RSPH14: variants seen among roughly 807,000 people sequenced by gnomAD.
The protein encoded by RSPH14 is rhabdoid tumor deletion region gene 1.
RSPH14 carries 20 observed loss-of-function variants against 26.7 expected under a neutral mutation model. That is an observed-to-expected ratio of 0.75 (90% CI 0.53 to 1.09). The LOEUF is 1.09. Ranked by LOEUF, RSPH14 falls within the 50% of genes least tolerant of loss-of-function variation. The pLI, the probability that RSPH14 is intolerant of heterozygous loss-of-function variation, is 0.00. For synonymous variants in RSPH14, 177 were observed against 189.3 expected, an observed-to-expected ratio of 0.93 and a Z score of 0.53; for missense variants, 449 against 457.2, an observed-to-expected ratio of 0.98 and a Z score of 0.16.
chr22:23,173,502 A>G, the RSPH14 span, among the ~76,000 whole-genome samples: 1 of 151,772 alleles, frequency 6.6e-6, no homozygotes, highest in Non-Finnish European at 1.5e-5. Flanking sequence ...GTGCAGGGGT[A>G]TGATCATAGC....
At chr22:23,130,139 GAAAGAAAGAAAGAAAGAA>G (rs2070310215) in intron 4 of RSPH14, among the ~76,000 whole-genome samples, 1 of 110,730 alleles carries the variant, frequency 9.0e-6, no homozygotes, top group East Asian at 2.7e-4. Flanking sequence ...AAGAAAGAAA[GAAAGAAAGAAAGAAAGAA>G]AGAAAAAGAA....
intron 4 of RSPH14, among the ~76,000 whole-genome samples, chr22:23,073,498 T>G (rs1021928640): frequency 6.6e-6 from 1 of 152,202 alleles, no homozygotes; most frequent in Non-Finnish European, 1.5e-5. Flanking sequence ...CCCACCATCC[T>G]AGGTCCAGCC....
At chr22:23,104,899 A>G (rs1156502586) in intron 4 of RSPH14, among the ~76,000 whole-genome samples, 1 of 152,196 alleles carries the variant, frequency 6.6e-6, no homozygotes, top group Non-Finnish European at 1.5e-5. Context: ...GGCCCTGGGC[A>G]TCTCAGGGGG....
chr22:23,172,846 A>G, the RSPH14 span, among the ~76,000 whole-genome samples: 261 of 150,956 alleles, frequency 1.7e-3, 1 homozygote, highest in African/African-American at 5.7e-3. Context: ...GCTACTCGGG[A>G]GGCTGAGGCA....
chr22:23,092,747 G>A (rs1296822740), intron 4 of RSPH14, among the ~76,000 whole-genome samples: 2 of 152,190 alleles, frequency 1.3e-5, no homozygotes, highest in African/African-American at 4.8e-5. Flanking sequence ...TTGGAGCCAG[G>A]GAGCACATAC....
chr22:23,138,775 T>G (rs5759598), intron 3 of RSPH14, 65 bp downstream of exon 3: 747,997 of 1,346,314 alleles, frequency 0.56, 211,406 homozygotes, highest in African/African-American at 0.77. Flanking sequence ...GCAGCTCAAG[T>G]GCATCCACCC....
At chr22:23,158,014 C>T in the RSPH14 span, 5 of 1,614,208 alleles carry the variant, frequency 3.1e-6, no homozygotes, top group East Asian at 4.5e-5. Context: ...CCTTTGACCT[C>T]ACTGACGTGC....
At chr22:23,103,211 G>T (rs543720117) in intron 4 of RSPH14, among the ~76,000 whole-genome samples, 5 of 152,244 alleles carry the variant, frequency 3.3e-5, no homozygotes, top group Non-Finnish European at 2.9e-5. Context: ...CATTATATTT[G>T]TGGCTTCAAA....
At chr22:23,179,077 A>C in the RSPH14 span, among the ~76,000 whole-genome samples, 1 of 152,234 alleles carries the variant, frequency 6.6e-6, no homozygotes, top group Non-Finnish European at 1.5e-5. Context: ...CACAGCCAGG[A>C]GTCGGCAGGA....
At chr22:23,139,844 T>A (rs1327271337) in intron 2 of RSPH14, among the ~76,000 whole-genome samples, 1 of 152,112 alleles carries the variant, frequency 6.6e-6, no homozygotes, top group Non-Finnish European at 1.5e-5. Flanking sequence ...GAGAATCAAT[T>A]GAGGCCAAGA....
upstream of RSPH14, among the ~76,000 whole-genome samples, chr22:23,144,455 A>T (rs1040143940): frequency 9.8e-5 from 15 of 152,332 alleles, no homozygotes; most frequent in Middle Eastern, 6.8e-3. Flanking sequence ...TGAAATAGAT[A>T]GTTGCGTTTA....
At chr22:23,147,272 G>C (rs1404113143), upstream of RSPH14, among the ~76,000 whole-genome samples, 1 of 152,152 alleles carries the variant, frequency 6.6e-6, no homozygotes, top group Non-Finnish European at 1.5e-5. Context: ...ATAGGGGGCA[G>C]TGGACAATAT....
the RSPH14 span, chr22:23,150,264 T>G: frequency 1.2e-6 from 1 of 851,232 alleles, no homozygotes; most frequent in Non-Finnish European, 1.9e-6. Context: ...GGTGCAGCCC[T>G]GTACAGGCCT....
intron 4 of RSPH14, among the ~76,000 whole-genome samples, chr22:23,094,631 C>T (rs987477993): frequency 6.6e-6 from 1 of 152,226 alleles, no homozygotes; most frequent in East Asian, 1.9e-4. Context: ...GCTTAGGCAC[C>T]TCACGGTGCT....
chr22:23,110,222 C>T (rs1569181207), intron 4 of RSPH14, among the ~76,000 whole-genome samples: 1 of 152,106 alleles, frequency 6.6e-6, no homozygotes, highest in East Asian at 1.9e-4. Context: ...CAGGTAACCC[C>T]TCTGAGCACC....
chr22:23,082,899 C>T lies in RSPH14; in HGVS notation c.422-18766G>A, dbSNP rs1349655424. Among the ~76,000 whole-genome samples the T allele has an allele frequency of 4.6e-4, 70 of 151,338 alleles. 1 individual carries two copies. The highest frequency in any genetic ancestry group is 1.5e-5 in the Non-Finnish European group (1 of 67,462). On this transcript the variant is annotated intron_variant, in intron 4 of 6. Transcript: ENST00000216036. Reference sequence around the variant, plus strand: ...GGTGTGCAGAGTCCACAGTGTCTTCCCCCCAAACCTTGCCCCCAGAAACTC... The same window carrying T: ...GGTGTGCAGAGTCCACAGTGTCTTCTCCCCAAACCTTGCCCCCAGAAACTC...
chr22:23,096,578 G>T (rs1690790831), intron 4 of RSPH14, among the ~76,000 whole-genome samples: 1 of 152,210 alleles, frequency 6.6e-6, no homozygotes, highest in African/African-American at 2.4e-5. Flanking sequence ...GCAAGGTGGG[G>T]GCAGAGGGAA....
chr22:23,143,161 C>A (rs6003522), upstream of RSPH14, among the ~76,000 whole-genome samples: 103 of 152,136 alleles, frequency 6.8e-4, 1 homozygote, highest in African/African-American at 2.0e-3. Context: ...TGCAGTGGCT[C>A]ATACCTGTAA....
chr22:23,172,936 C>G, the RSPH14 span, among the ~76,000 whole-genome samples: 2 of 148,234 alleles, frequency 1.3e-5, no homozygotes, highest in South Asian at 4.3e-4. Flanking sequence ...GGGTACAGAA[C>G]GAGACTGCAT....
Sources: gnomAD v4.1 joint callset for allele counts (sites outside exome capture counted in the v4.1 genomes callset) on GRCh38, gnomAD v4.1.1 for gene constraint, MANE v1.5 for transcripts, NCBI Gene and HGNC (gene_info 2026-07-23, HGNC 2026-07-21) for gene names.